Variants in COPS5 observed in about 807,000 individuals in gnomAD.
COPS5 encodes COP9 signalosome subunit 5.
A neutral mutation model predicts 44.4 loss-of-function variants in COPS5; 8 were observed. The ratio of observed to expected loss-of-function variants is 0.18; its 90% CI spans 0.11 to 0.32. The LOEUF is 0.32. Among genes scored for constraint, COPS5 ranks in the 10% least tolerant of loss-of-function variants. The probability of loss-of-function intolerance (pLI) is 1.00; values close to 1 mark genes in which losing one functional copy is unlikely to be tolerated. For synonymous variants in COPS5, 122 were observed against 142.8 expected (o/e 0.85, Z 1.04); for missense variants, 159 against 406.4 (o/e 0.39, Z 5.23).
At chr8:67,060,242 G>T in intron 1 of COPS5, 1 of 756,706 alleles carries the variant, frequency 1.3e-6, no homozygotes, top group Non-Finnish European at 1.7e-6. Flanking sequence ...GCCCAAGACA[G>T]CTAGGATGAA....
intron 1 of COPS5, chr8:67,061,560 G>A: frequency 4.4e-6 from 2 of 453,568 alleles, no homozygotes; most frequent in South Asian, 4.0e-5. Context: ...TCGACACTGG[G>A]CTCAAGGTAG....
intron 3 of COPS5, 86 bp from the exon 4 acceptor site, chr8:67,057,531 C>T: frequency 1.1e-6 from 1 of 884,416 alleles, no homozygotes; most frequent in Non-Finnish European, 1.8e-6. Flanking sequence ...TGTATACATA[C>T]ATATAACACT....
At chr8:67,049,614 C>T (rs960373314) in intron 6 of COPS5, among the ~76,000 whole-genome samples, 3 of 152,154 alleles carry the variant, frequency 2.0e-5, no homozygotes, top group African/African-American at 7.2e-5. Context: ...TTGAATCCAC[C>T]TTTTCCTTGA....
intron 7 of COPS5, 102 bp downstream of exon 7, chr8:67,045,710 G>T: frequency 8.7e-7 from 1 of 1,143,862 alleles, no homozygotes; most frequent in Non-Finnish European, 1.3e-6. Flanking sequence ...ATTCTAAGTT[G>T]TAACTAACTT....
At chr8:67,056,862 C>T (rs1804521882) in intron 4 of COPS5, among the ~76,000 whole-genome samples, 1 of 150,890 alleles carries the variant, frequency 6.6e-6, no homozygotes, top group South Asian at 2.1e-4. Context: ...CTGGATTTTG[C>T]TTACAGATTT....
Position 67,043,198 on chromosome 8 carries a change from A to G in COPS5, c.*35T>C. ...AGTGTTACTTGAATATTTTTCTCAT[A>G]CTGTCTTTCAGGTAAAGTACTTCTC... On this transcript the variant is annotated 3_prime_UTR_variant, in exon 8 of 8. Coordinates refer to ENST00000357849, the MANE Select transcript of COPS5 (RefSeq NM_006837.3). The G allele has an allele frequency of 8.1e-7, 1 of 1,231,536 alleles. No homozygotes were observed. Among genetic ancestry groups the G allele is most frequent in the African/African-American group, 1.5e-5 (1 of 67,320 alleles). 76.3% of individuals were successfully genotyped at this position (1,231,536 alleles called of 1,614,324 possible). A position where few individuals can be genotyped will look rare whatever the true frequency, so the allele number is the denominator to read the frequency against.
chr8:67,049,027 G>A (rs1246276748), intron 6 of COPS5, among the ~76,000 whole-genome samples: 2 of 152,214 alleles, frequency 1.3e-5, no homozygotes, highest in South Asian at 2.1e-4. Flanking sequence ...GATATCATTT[G>A]TTTATTATAG....
At chr8:67,059,479 T>G (rs775038191) in intron 1 of COPS5, 34 bp from the exon 2 acceptor site, 6 of 1,488,208 alleles carry the variant, frequency 4.0e-6, no homozygotes. Flanking sequence ...ATTAAATTCC[T>G]TATATAAAGT....
chr8:67,059,264 C>T lies in COPS5; in HGVS notation c.325G>A (p.Ala109Thr). The stretch of plus-strand genomic sequence containing the variant: ...ATGTATTCATATGCAGCAGCCTGAG[C>T]ATTTACTCGGGTTTCAGTGCCCTCC... ...PVEGTETRVN[A>T]QAAAYEYMAA... The change falls in exon 2 of 8, where the codon GCT becomes ACT. Residue 109 changes from alanine to threonine, a missense_variant. Physicochemically the swap from Ala to Thr is moderately conservative, Grantham distance 58 (BLOSUM62 0). This residue lies in a region of COPS5 where 134 missense variants were observed against 376.7 expected (regional missense o/e 0.36). Coordinates refer to ENST00000357849, the MANE Select transcript of COPS5 (RefSeq NM_006837.3). 1 of 1,614,180 alleles carries T rather than the reference C, an allele frequency of 6.2e-7. No homozygotes were observed. The highest frequency in any genetic ancestry group is 8.5e-7 in the Non-Finnish European group (1 of 1,180,014).
chr8:67,049,233 C>T (rs568058716), intron 6 of COPS5, among the ~76,000 whole-genome samples: 30 of 152,114 alleles, frequency 2.0e-4, no homozygotes, highest in South Asian at 2.1e-4. Flanking sequence ...GAGGCCAAGG[C>T]GGGCAGATTG....
intron 5 of COPS5, among the ~76,000 whole-genome samples, chr8:67,055,849 G>A (rs988762998): frequency 1.5e-5 from 2 of 131,952 alleles, no homozygotes; most frequent in Non-Finnish European, 3.2e-5. Flanking sequence ...CTGGGCAACA[G>A]AGCAAGACTA....
chr8:67,054,369 C>T (rs1455511032), intron 5 of COPS5, among the ~76,000 whole-genome samples: 1 of 152,092 alleles, frequency 6.6e-6, no homozygotes, highest in African/African-American at 2.4e-5. Flanking sequence ...TAAAGTATCA[C>T]AGCAAAGGTA....
At chr8:67,047,489 A>G (rs1339563765) in intron 6 of COPS5, among the ~76,000 whole-genome samples, 7 of 152,238 alleles carry the variant, frequency 4.6e-5, no homozygotes, top group African/African-American at 1.7e-4. Context: ...AATAAAAGAT[A>G]TCCAATTACA....
chr8:67,047,741 T>C (rs1160745463), intron 6 of COPS5: 2 of 699,552 alleles, frequency 2.9e-6, no homozygotes, highest in East Asian at 2.7e-5. Flanking sequence ...GGGACAGACA[T>C]TGGGCTGAGT....
chr8:67,051,175 C>G, intron 6 of COPS5, 55 bp downstream of exon 6: 1 of 1,124,314 alleles, frequency 8.9e-7, no homozygotes, highest in Non-Finnish European at 1.4e-6. Context: ...AGATATTAAA[C>G]GGCTATGAAG....
intron 7 of COPS5, 132 bp downstream of exon 7, chr8:67,045,680 G>A (rs1409528964): frequency 4.5e-6 from 4 of 894,924 alleles, no homozygotes; most frequent in Non-Finnish European, 5.1e-6. Flanking sequence ...AAGTTTCCAA[G>A]AAGTTAATAT....
At chr8:67,059,183 A>G in intron 2 of COPS5, 28 bp downstream of exon 2, 1 of 1,554,076 alleles carries the variant, frequency 6.4e-7, no homozygotes, top group Non-Finnish European at 8.9e-7. Flanking sequence ...ACTTGCAATT[A>G]CTAAACTATA....
chr8:67,052,932 G>C (rs778016397), intron 5 of COPS5, among the ~76,000 whole-genome samples: 2 of 151,924 alleles, frequency 1.3e-5, no homozygotes, highest in African/African-American at 2.4e-5. Context: ...ACAGTCAAAG[G>C]GGTGTTTTAT....
At position 67,062,039 on chromosome 8, in the gene COPS5, C is replaced by G; in HGVS notation, c.-43G>C. On this transcript the variant is annotated 5_prime_UTR_variant, in exon 1 of 8. Coordinates refer to ENST00000357849, the MANE Select transcript of COPS5 (RefSeq NM_006837.3). ...AGTTGTCGTCTCTACAACCAAGACG[C>G]AACTTTACCTCGCTAGGTTTCCGGG... The G allele has an allele frequency of 6.2e-7, 1 of 1,613,742 alleles. No homozygotes were observed. The highest frequency in any genetic ancestry group is 8.5e-7 in the Non-Finnish European group (1 of 1,179,932).
Sources: gnomAD v4.1 joint callset for allele counts (sites outside exome capture counted in the v4.1 genomes callset) on GRCh38, gnomAD v4.1.1 for gene constraint, gnomAD v4.1.1 regional missense constraint, MANE v1.5 for transcripts, NCBI Gene and HGNC (gene_info 2026-07-23, HGNC 2026-07-21) for gene names.